NFATC3: variants seen among roughly 807,000 people sequenced by gnomAD.
NFATC3 encodes the protein nuclear factor of activated T-cells, cytoplasmic 3.
NFATC3 carries 46 observed loss-of-function variants against 98.6 expected under a neutral mutation model. The observed-to-expected ratio is 0.47, with a 90% CI of 0.37 to 0.60. NFATC3 has a LOEUF of 0.60. Among genes scored for constraint, NFATC3 ranks in the 20% least tolerant of loss-of-function variants. The pLI is 0.00. For missense variants in NFATC3, 1,256 were observed against 1,295.5 expected, an observed-to-expected ratio of 0.97 and a Z score of 0.47; for synonymous variants, 512 against 472.2, an observed-to-expected ratio of 1.08 and a Z score of -1.09.
chr16:68,094,760 G>A (rs1156847519), intron 1 of NFATC3, among the ~76,000 whole-genome samples: 1 of 152,170 alleles, frequency 6.6e-6, no homozygotes, highest in Non-Finnish European at 1.5e-5. Flanking sequence ...GAAATAAATA[G>A]TAAAATACTC....
chr16:68,088,440 A>G (rs1474145081), intron 1 of NFATC3, among the ~76,000 whole-genome samples: 1 of 145,888 alleles, frequency 6.9e-6, no homozygotes, highest in East Asian at 1.9e-4. Flanking sequence ...CATATACTAT[A>G]TAATATATAA....
intron 9 of NFATC3, among the ~76,000 whole-genome samples, chr16:68,201,699 C>T (rs2040923153): frequency 6.6e-6 from 1 of 150,654 alleles, no homozygotes; most frequent in Non-Finnish European, 1.5e-5. Context: ...GCCTGTAATC[C>T]CAGCACTTTG....
At chr16:68,126,685 A>G (rs759680240) in intron 3 of NFATC3, 75 bp downstream of exon 3, 6 of 1,458,314 alleles carry the variant, frequency 4.1e-6, no homozygotes, top group East Asian at 2.3e-5. Flanking sequence ...TCAGTTAGGT[A>G]CTAGAGAGTG....
chr16:68,120,894 A>C (rs1179564442), intron 1 of NFATC3, among the ~76,000 whole-genome samples: 2 of 152,156 alleles, frequency 1.3e-5, no homozygotes, highest in Admixed American at 6.5e-5. Context: ...AATATCCTAT[A>C]CTTTTTAGCT....
intron 1 of NFATC3, among the ~76,000 whole-genome samples, chr16:68,112,575 C>T (rs2036016641): frequency 6.6e-6 from 1 of 151,230 alleles, no homozygotes; most frequent in South Asian, 2.1e-4. Context: ...TGTGCCCAGC[C>T]AGGTTCATTC....
intron 1 of NFATC3, among the ~76,000 whole-genome samples, chr16:68,111,837 T>C (rs2035961084): frequency 6.6e-6 from 1 of 152,200 alleles, no homozygotes; most frequent in South Asian, 2.1e-4. Flanking sequence ...AATTCCCTCA[T>C]TATTTGCTTG....
intron 9 of NFATC3, among the ~76,000 whole-genome samples, chr16:68,217,535 T>A (rs531472522): frequency 6.6e-6 from 1 of 151,940 alleles, no homozygotes; most frequent in African/African-American, 2.4e-5. Flanking sequence ...TTACAGTACT[T>A]AAATATTCTT....
chr16:68,131,418 C>T (rs1192861065), intron 3 of NFATC3, among the ~76,000 whole-genome samples: 1 of 152,172 alleles, frequency 6.6e-6, no homozygotes. Context: ...GCTGGGATTA[C>T]AGGCACGCAC....
intron 3 of NFATC3, among the ~76,000 whole-genome samples, chr16:68,141,596 G>A (rs1377761389): frequency 6.6e-6 from 1 of 152,066 alleles, no homozygotes; most frequent in South Asian, 2.1e-4. Context: ...ACGTTTGTGG[G>A]CCATTTGTAT....
intron 9 of NFATC3, chr16:68,221,443 G>T: frequency 7.2e-7 from 1 of 1,381,232 alleles, no homozygotes; most frequent in Admixed American, 3.0e-5. Flanking sequence ...TATATTCAGT[G>T]CTCACCTGTA....
chr16:68,194,089 T>A (rs2040557259), intron 9 of NFATC3, among the ~76,000 whole-genome samples: 1 of 152,198 alleles, frequency 6.6e-6, no homozygotes, highest in Non-Finnish European at 1.5e-5. Flanking sequence ...ATCGTTACCA[T>A]TCCTCAAACT....
At chr16:68,112,834 A>G (rs1567503400) in intron 1 of NFATC3, among the ~76,000 whole-genome samples, 1 of 150,612 alleles carries the variant, frequency 6.6e-6, no homozygotes, top group Admixed American at 6.6e-5. Context: ...TTTTAGCAAG[A>G]TAGTCTTCAA....
At position 68,195,971 on chromosome 16, in the gene NFATC3, C is replaced by T. The variant is rs1425114413; in HGVS notation, c.3106+4196C>T. 2.6e-5 allele frequency among the ~76,000 whole-genome samples: 4 copies of T among 152,176 alleles called. No individual in the cohort carries two copies. In the East Asian group the frequency reaches 7.7e-4, roughly 29 times the overall value. ...TTGGCTAAAGGGATCAATCCTCCCA[C>T]TTCAGCCTCCTGAGTAGCTGGGACT... is the stretch of plus-strand genomic sequence containing the variant. On this transcript the variant is annotated intron_variant, in intron 9 of 9. Coordinates refer to ENST00000346183, the MANE Select transcript of NFATC3 (RefSeq NM_173165.3).
chr16:68,207,468 T>TC, intron 9 of NFATC3, among the ~76,000 whole-genome samples: 1 of 152,232 alleles, frequency 6.6e-6, no homozygotes, highest in Middle Eastern at 3.4e-3. Context: ...AATTCTGTGT[T>TC]CAACTTTCTT....
At chr16:68,223,468 A>C (rs919056967) in intron 9 of NFATC3, among the ~76,000 whole-genome samples, 1 of 152,164 alleles carries the variant, frequency 6.6e-6, no homozygotes, top group Admixed American at 6.5e-5. Flanking sequence ...AATGCCAAAA[A>C]CCACAATTAC....
chr16:68,108,327 A>G (rs574240359), intron 1 of NFATC3, among the ~76,000 whole-genome samples: 1 of 152,336 alleles, frequency 6.6e-6, no homozygotes, highest in Non-Finnish European at 1.5e-5. Flanking sequence ...TACTTATTAA[A>G]TAGAGAATCC....
At chr16:68,095,736 G>T (rs1598348197) in intron 1 of NFATC3, among the ~76,000 whole-genome samples, 1 of 152,280 alleles carries the variant, frequency 6.6e-6, no homozygotes, top group South Asian at 2.1e-4. Flanking sequence ...TGCTTTGTCA[G>T]AGTCCTTGGG....
chr16:68,094,577 T>C (rs913845484), intron 1 of NFATC3, among the ~76,000 whole-genome samples: 1 of 152,176 alleles, frequency 6.6e-6, no homozygotes, highest in Admixed American at 6.5e-5. Flanking sequence ...ATCAGTACTC[T>C]TTTGGATTTT....
intron 9 of NFATC3, among the ~76,000 whole-genome samples, chr16:68,193,235 A>T (rs2040520702): frequency 6.6e-6 from 1 of 152,160 alleles, no homozygotes; most frequent in Non-Finnish European, 1.5e-5. Flanking sequence ...ACTGTTTTAT[A>T]TAAGGGACTT....
Sources: gnomAD v4.1 joint callset for allele counts (sites outside exome capture counted in the v4.1 genomes callset) on GRCh38, gnomAD v4.1.1 for gene constraint, MANE v1.5 for transcripts, NCBI Gene and HGNC (gene_info 2026-07-23, HGNC 2026-07-21) for gene names.